Variants in MALRD1 observed in about 807,000 individuals in gnomAD.
The protein encoded by MALRD1 is MAM and LDL-receptor class A domain-containing protein 1.
MALRD1 carries 247 observed loss-of-function variants against 242.1 expected under a neutral mutation model. That is an observed-to-expected ratio of 1.02 (90% CI 0.92 to 1.13). The LOEUF is 1.13. Ranked by LOEUF, MALRD1 falls within the 50% of genes most tolerant of loss-of-function variation. MALRD1 has a pLI of 0.00. For synonymous variants in MALRD1, 995 were observed against 866.6 expected, an observed-to-expected ratio of 1.15 and a Z score of -2.60; for missense variants, 2,989 against 2,533.1, an observed-to-expected ratio of 1.18 and a Z score of -3.86.
chr10:19,111,840 T>C (rs1222736882), intron 5 of MALRD1, among the ~76,000 whole-genome samples: 1 of 152,178 alleles, frequency 6.6e-6, no homozygotes, highest in Non-Finnish European at 1.5e-5. Flanking sequence ...GAGGGCATAT[T>C]TACATTTTTG....
chr10:19,560,267 G>A (rs756242450), intron 32 of MALRD1, among the ~76,000 whole-genome samples: 7 of 152,148 alleles, frequency 4.6e-5, no homozygotes, highest in Non-Finnish European at 8.8e-5. Flanking sequence ...AAGAGCTCAA[G>A]GCCATCCTGG....
intron 31 of MALRD1, among the ~76,000 whole-genome samples, chr10:19,507,344 A>G (rs1833188131): frequency 6.6e-6 from 1 of 152,118 alleles, no homozygotes; most frequent in Admixed American, 6.6e-5. Flanking sequence ...TTTGGTATAA[A>G]TGTAAAAATT....
chr10:19,231,559 C>T (rs7084685), intron 18 of MALRD1, among the ~76,000 whole-genome samples: 1,689 of 151,902 alleles, frequency 0.011, 33 homozygotes, highest in African/African-American at 0.039. Context: ...CTGCTGTTCT[C>T]GTGGTAGTGA....
At chr10:19,312,427 T>TGTGTGA (rs1842473161) in intron 21 of MALRD1, among the ~76,000 whole-genome samples, 2 of 147,092 alleles carry the variant, frequency 1.4e-5, no homozygotes, top group African/African-American at 5.0e-5. Context: ...TGTGTGTGTG[T>TGTGTGA]GAGAGAGAGA....
chr10:19,530,423 A>AT (rs1834340393), intron 31 of MALRD1, among the ~76,000 whole-genome samples: 1 of 77,842 alleles, frequency 1.3e-5, no homozygotes, highest in Non-Finnish European at 2.6e-5. Context: ...ATAATAATAA[A>AT]TATATAATAT....
chr10:19,406,330 C>G (rs77696737), intron 28 of MALRD1, among the ~76,000 whole-genome samples: 1 of 152,254 alleles, frequency 6.6e-6, no homozygotes, highest in African/African-American at 2.4e-5. Context: ...TAAAACTGTG[C>G]GATCTATTAC....
At position 19,381,708 on chromosome 10, in the gene MALRD1, G is replaced by A. The variant is rs117538419; in HGVS notation, c.4442-5820G>A. On this transcript the variant is annotated intron_variant, in intron 26 of 39. Transcript: ENST00000454679. ...AAAAAAATTAGCCGGGCCTGGTTCC[G>A]GGCACCTGTAATCCCAGCTACTTAG... 9.2e-3 allele frequency among the ~76,000 whole-genome samples: 1,394 copies of A among 151,576 alleles called. 17 individuals carry two copies. The highest frequency in any genetic ancestry group is 0.012 in the Non-Finnish European group (848 of 67,884).
intron 33 of MALRD1, among the ~76,000 whole-genome samples, chr10:19,570,929 A>G (rs1015180774): frequency 1.3e-5 from 2 of 152,132 alleles, no homozygotes; most frequent in African/African-American, 4.8e-5. Flanking sequence ...GTATAAAGTC[A>G]TGATACATAT....
chr10:19,241,192 G>T (rs1838754576), intron 18 of MALRD1, among the ~76,000 whole-genome samples: 1 of 150,520 alleles, frequency 6.6e-6, no homozygotes, highest in African/African-American at 2.4e-5. Context: ...CAGGTCCTGG[G>T]TGTTGGTTGT....
chr10:19,440,796 A>G (rs1030479495), intron 28 of MALRD1, among the ~76,000 whole-genome samples: 3 of 152,200 alleles, frequency 2.0e-5, no homozygotes, highest in African/African-American at 7.2e-5. Flanking sequence ...TAGTGCCGCA[A>G]TAAACATACG....
chr10:19,280,331 G>C (rs756409251), intron 20 of MALRD1, 108 bp downstream of exon 20: 14 of 782,190 alleles, frequency 1.8e-5, no homozygotes, highest in Admixed American at 4.1e-5. Flanking sequence ...TTCAACATGA[G>C]TTAGAGCAAC....
chr10:19,672,551 G>A (rs1422100943), intron 36 of MALRD1, among the ~76,000 whole-genome samples: 1 of 151,668 alleles, frequency 6.6e-6, no homozygotes, highest in Non-Finnish European at 1.5e-5. Context: ...AGCTTCCCGA[G>A]TAGCTGGTAT....
rs140625894 is a variant in MALRD1, at chr10:19,389,614, G to A, written c.4845+5G>A. 3.1e-5 allele frequency: 48 copies of A among 1,548,436 alleles called. No individual in the cohort carries two copies. In the East Asian group the frequency reaches 1.2e-3, roughly 38 times the overall value. ...TCCATTCAGATTCTCATCAAGGTAG[G>A]AACATGGCCTGTGATGCCTCTGAGC... On this transcript the variant is annotated splice_donor_5th_base_variant and intron_variant, in intron 28 of 39. Transcript: ENST00000454679.
chr10:19,347,904 T>G lies in MALRD1; in HGVS notation c.4035T>G (p.Thr1345=), dbSNP rs1263974124. The stretch of plus-strand genomic sequence containing the variant: ...GCACAGAGCCAGCAGCAGATCACAC[T>G]TTGGGAAATTCATCTGGTCATTACA... ...AAGTEPAADH[T]LGNSSGHYIF... Residue 1345 remains threonine (T), a synonymous_variant, in exon 25 of 40, where the codon ACT becomes ACG. Transcript: ENST00000454679. 6.5e-7 allele frequency: 1 copy of G among 1,550,346 alleles called. No individual in the cohort carries two copies. The highest frequency in any genetic ancestry group is 8.7e-7 in the Non-Finnish European group (1 of 1,146,828).
intron 32 of MALRD1, among the ~76,000 whole-genome samples, chr10:19,539,909 T>TGTGC (rs1564425579): frequency 7.8e-5 from 2 of 25,784 alleles, no homozygotes; most frequent in East Asian, 3.1e-3. Context: ...CGCGCGCGCG[T>TGTGC]GCGCGCACAC....
chr10:19,234,330 T>G (rs1432707562), intron 18 of MALRD1, among the ~76,000 whole-genome samples: 2 of 152,058 alleles, frequency 1.3e-5, no homozygotes, highest in Non-Finnish European at 2.9e-5. Flanking sequence ...ACTCTCATCT[T>G]TTTTTATATG....
chr10:19,117,657 T>C (rs1836919390), intron 5 of MALRD1, among the ~76,000 whole-genome samples: 1 of 152,232 alleles, frequency 6.6e-6, no homozygotes, highest in Non-Finnish European at 1.5e-5. Context: ...CTTAGTTGCA[T>C]ATGCAGCTTT....
chr10:19,703,429 A>G (rs1368945198), intron 38 of MALRD1, among the ~76,000 whole-genome samples: 1 of 152,208 alleles, frequency 6.6e-6, no homozygotes, highest in Non-Finnish European at 1.5e-5. Context: ...AAAAGAAGTC[A>G]TCATGAAAGA....
chr10:19,611,371 C>T (rs547768979), intron 35 of MALRD1, among the ~76,000 whole-genome samples: 1 of 152,068 alleles, frequency 6.6e-6, no homozygotes, highest in South Asian at 2.1e-4. Flanking sequence ...GGCTTACTTG[C>T]AAATTATTTC....
Sources: allele counts gnomAD v4.1 joint callset (sites outside exome capture counted in the v4.1 genomes callset), GRCh38; gene constraint gnomAD v4.1.1; transcripts MANE v1.5; gene names NCBI Gene and HGNC (gene_info 2026-07-23, HGNC 2026-07-21).